The following RGS20 variants were observed in gnomAD, a reference collection of about 807,000 sequenced individuals.
RGS20 encodes the protein gz-selective GTPase-activating protein.
In RGS20, 30 loss-of-function variants were observed where a neutral mutation model predicts 33.6. The observed-to-expected ratio is 0.89, with a 90% CI of 0.67 to 1.21. The LOEUF is 1.21. Ranked by LOEUF, RGS20 falls within the 50% of genes most tolerant of loss-of-function variation. The pLI, the probability that RGS20 is intolerant of heterozygous loss-of-function variation, is 0.00. For missense variants in RGS20, 472 were observed against 502.4 expected (o/e 0.94, Z 0.58); for synonymous variants, 208 against 197.9 (o/e 1.05, Z -0.43).
At chr8:53,858,037 AT>A (rs1485339463) in intron 1 of RGS20, among the ~76,000 whole-genome samples, 2 of 152,202 alleles carry the variant, frequency 1.3e-5, no homozygotes, top group Non-Finnish European at 2.9e-5. Context: ...AAATAAAAAA[AT>A]AAAATAAAAT....
intron 5 of RGS20, among the ~76,000 whole-genome samples, chr8:53,956,769 CTTTAA>C (rs1814877644): frequency 6.6e-6 from 1 of 152,108 alleles, no homozygotes; most frequent in African/African-American, 2.4e-5. Flanking sequence ...AATTTTTGTC[CTTTAA>C]TTTATGGCTT....
chr8:53,863,788 G>T lies in RGS20; in HGVS notation c.165+11724G>T, dbSNP rs577904829. On this transcript the variant is annotated intron_variant, in intron 1 of 5. Transcript: ENST00000297313. ...GCCACCCAGGCTGGAGTGCAATGGC[G>T]CCAACTCGGCTCACTGCAACCTCTG... Among the ~76,000 whole-genome samples, 4 of 144,972 alleles carry T rather than the reference G, an allele frequency of 2.8e-5. No individual in the cohort carries two copies. The South Asian group carries it at 8.7e-4, about 32-fold the overall frequency.
chr8:53,910,497 A>G (rs866721367), intron 2 of RGS20, among the ~76,000 whole-genome samples: 15 of 152,334 alleles, frequency 9.8e-5, no homozygotes, highest in South Asian at 6.2e-4. Flanking sequence ...GCTGGTGGGA[A>G]CAGAAAAAAG....
chr8:53,958,515 C>G lies in RGS20; in HGVS notation c.*57C>G. On this transcript the variant is annotated 3_prime_UTR_variant, in exon 6 of 6. Coordinates refer to ENST00000297313, the MANE Select transcript of RGS20 (RefSeq NM_170587.4). ...TAATAAAAGAATTCATGGGCTACAACTAGCACAGGGAATTTAGAGGTTGTA... is the reference window on the plus strand; with the variant it reads ...TAATAAAAGAATTCATGGGCTACAAGTAGCACAGGGAATTTAGAGGTTGTA... 1.0e-6 allele frequency: 1 copy of G among 968,498 alleles called. No homozygotes were observed. The highest frequency in any genetic ancestry group is 1.4e-6 in the Non-Finnish European group (1 of 720,484). 60.0% of individuals were successfully genotyped at this position (968,498 alleles called of 1,614,324 possible). A position where few individuals can be genotyped will look rare whatever the true frequency, so the allele number is the denominator to read the frequency against.
intron 2 of RGS20, among the ~76,000 whole-genome samples, chr8:53,894,382 G>A (rs966765620): frequency 1.3e-5 from 2 of 152,106 alleles, no homozygotes; most frequent in African/African-American, 4.8e-5. Flanking sequence ...CTAAAACCTC[G>A]AGGAGCAGAG....
chr8:53,948,679 A>T (rs377295186), intron 4 of RGS20, among the ~76,000 whole-genome samples: 3 of 132,018 alleles, frequency 2.3e-5, no homozygotes, highest in Non-Finnish European at 3.1e-5. Flanking sequence ...ATGCTATATA[A>T]GATACAGTAC....
intron 2 of RGS20, among the ~76,000 whole-genome samples, chr8:53,935,642 A>C (rs1814108214): frequency 6.6e-6 from 1 of 152,194 alleles, no homozygotes; most frequent in Non-Finnish European, 1.5e-5. Flanking sequence ...AAGGCCCAGG[A>C]CCAGACAGAT....
chr8:53,887,530 CTG>C, intron 2 of RGS20, among the ~76,000 whole-genome samples: 2 of 152,292 alleles, frequency 1.3e-5, no homozygotes, highest in East Asian at 3.9e-4. Context: ...ATGGGTTAGA[CTG>C]TGGACACAAG....
At position 53,869,413 on chromosome 8, in the gene RGS20, C is replaced by T. The variant is rs371956054; in HGVS notation, c.166-9845C>T. Among the ~76,000 whole-genome samples the T allele has an allele frequency of 4.6e-5, 7 of 152,204 alleles. 1 individual carries two copies. Among genetic ancestry groups the T allele is most frequent in the Middle Eastern group, 6.8e-3 (2 of 294 alleles). On this transcript the variant is annotated intron_variant, in intron 1 of 5. Transcript: ENST00000297313. ...AATAGGGGCTGGGTGCGATGGCTTA[C>T]GTCTGTAATCCCAGCATTTTGATAG...
At position 53,959,208 on chromosome 8, in the gene RGS20, A is replaced by C. The variant is rs906698480; in HGVS notation, c.*750A>C. 6.6e-6 allele frequency: 1 copy of C among 152,224 alleles called. No individual in the cohort carries two copies. The highest frequency in any genetic ancestry group is 1.5e-5 in the Non-Finnish European group (1 of 68,038). 9.4% of individuals were successfully genotyped at this position (152,224 alleles called of 1,614,324 possible). ...TTCATAACTTGGTCATGTTCACAAC[A>C]AAACTGTCAAATAAGCATATTTCCA... is the stretch of plus-strand genomic sequence containing the variant. On this transcript the variant is annotated 3_prime_UTR_variant, in exon 6 of 6. Coordinates refer to ENST00000297313, the MANE Select transcript of RGS20 (RefSeq NM_170587.4).
intron 3 of RGS20, among the ~76,000 whole-genome samples, chr8:53,942,063 C>T (rs1252445328): frequency 1.3e-5 from 2 of 152,128 alleles, no homozygotes; most frequent in South Asian, 2.1e-4. Context: ...CACATGAGGT[C>T]GGGAGTTCGA....
At chr8:53,922,163 CT>C (rs1401482558) in intron 2 of RGS20, among the ~76,000 whole-genome samples, 1 of 151,756 alleles carries the variant, frequency 6.6e-6, no homozygotes, top group East Asian at 1.9e-4. Context: ...TTAGTTTTTG[CT>C]GTATGTATTT....
intron 2 of RGS20, among the ~76,000 whole-genome samples, chr8:53,938,785 A>ATCTC (rs1231886713): frequency 6.6e-6 from 1 of 152,142 alleles, no homozygotes; most frequent in Non-Finnish European, 1.5e-5. Context: ...CTGCTTTTAT[A>ATCTC]TCTCTCTTCT....
chr8:53,909,370 C>A (rs1245220145), intron 2 of RGS20, among the ~76,000 whole-genome samples: 1 of 151,130 alleles, frequency 6.6e-6, no homozygotes. Context: ...CAGCCTCAGC[C>A]TCCCAAATAG....
Position 53,943,842 on chromosome 8 carries a change from G to A in RGS20, c.660-2823G>A, listed in dbSNP as rs146982415. Among the ~76,000 whole-genome samples, 171 of 152,074 alleles carry A rather than the reference G, an allele frequency of 1.1e-3. 2 individuals are homozygous for A. The highest frequency in any genetic ancestry group is 3.6e-3 in the African/African-American group (150 of 41,486). ...AAGCCTCGGAAGTCATGCAGAGAGC[G>A]TACCACTCAGATGCCTCTCAAGTTT... On this transcript the variant is annotated intron_variant, in intron 3 of 5. Coordinates refer to ENST00000297313, the MANE Select transcript of RGS20 (RefSeq NM_170587.4).
intron 2 of RGS20, among the ~76,000 whole-genome samples, chr8:53,896,352 T>A (rs1217344906): frequency 6.6e-6 from 1 of 152,184 alleles, no homozygotes; most frequent in Non-Finnish European, 1.5e-5. Context: ...TCATAAAGAT[T>A]TATTGGAGCA....
At chr8:53,886,596 C>T in intron 2 of RGS20, among the ~76,000 whole-genome samples, 1 of 152,172 alleles carries the variant, frequency 6.6e-6, no homozygotes, top group Non-Finnish European at 1.5e-5. Flanking sequence ...TAGGCAAAGG[C>T]ATCTCATGCA....
intron 1 of RGS20, among the ~76,000 whole-genome samples, chr8:53,866,769 G>A (rs940812525): frequency 6.6e-6 from 1 of 152,118 alleles, no homozygotes; most frequent in Non-Finnish European, 1.5e-5. Flanking sequence ...GCAAAGGCTG[G>A]AACTGTTAAG....
At chr8:53,901,890 G>A (rs974923990) in intron 2 of RGS20, among the ~76,000 whole-genome samples, 47 of 152,336 alleles carry the variant, frequency 3.1e-4, no homozygotes, top group Non-Finnish European at 3.4e-4. Context: ...AGATAGAATA[G>A]AATGCAGAAT....
Sources: gnomAD v4.1 joint callset for allele counts (sites outside exome capture counted in the v4.1 genomes callset) on GRCh38, gnomAD v4.1.1 for gene constraint, MANE v1.5 for transcripts, NCBI Gene and HGNC (gene_info 2026-07-23, HGNC 2026-07-21) for gene names.